CPAMD8: variants seen among roughly 807,000 people sequenced by gnomAD.
The protein encoded by CPAMD8 is C3 and PZP-like alpha-2-macroglobulin domain-containing protein 8.
A neutral mutation model predicts 224.7 loss-of-function variants in CPAMD8; 146 were observed. The ratio of observed to expected loss-of-function variants is 0.65; its 90% CI spans 0.57 to 0.75. The LOEUF (loss-of-function observed/expected upper bound fraction) is 0.75, where lower values mean the gene tolerates loss of function less well. CPAMD8 is among the 30% of genes least tolerant of loss of function. The probability of loss-of-function intolerance (pLI) is 0.00; values close to 1 mark genes in which losing one functional copy is unlikely to be tolerated. For missense variants in CPAMD8, 2,301 were observed against 2,537.5 expected (o/e 0.91, Z 2.00); for synonymous variants, 966 against 1,044.6 (o/e 0.92, Z 1.45).
At chr19:16,980,456 A>T (rs778451389) in intron 14 of CPAMD8, 41 bp downstream of exon 14, 1 of 1,587,914 alleles carries the variant, frequency 6.3e-7, no homozygotes, top group South Asian at 1.1e-5. Context: ...TCAATTGTTC[A>T]GAAGGAAGAA....
intron 29 of CPAMD8, chr19:16,910,540 AC>A (rs1226045377): frequency 1.3e-5 from 2 of 150,492 alleles, no homozygotes; most frequent in Non-Finnish European, 2.9e-5. Flanking sequence ...GGCTATTCAT[AC>A]GCACGATCTC....
chr19:17,012,351 T>TA (rs1248489136), intron 3 of CPAMD8, among the ~76,000 whole-genome samples: 11 of 121,796 alleles, frequency 9.0e-5, no homozygotes, highest in Non-Finnish European at 1.3e-4. Flanking sequence ...TCTTTCTTTC[T>TA]TTTTTTTTTT....
chr19:16,959,907 G>A (rs142439283), intron 18 of CPAMD8, among the ~76,000 whole-genome samples: 35 of 152,222 alleles, frequency 2.3e-4, no homozygotes, highest in African/African-American at 7.2e-4. Flanking sequence ...ACCTGGCAGC[G>A]TTAACATTCT....
At chr19:16,914,937 AGGGG>A in intron 27 of CPAMD8, 124 bp from the exon 28 acceptor site, 2 of 691,504 alleles carry the variant, frequency 2.9e-6, no homozygotes, top group Non-Finnish European at 4.9e-6. Context: ...ATAAGATGGG[AGGGG>A]TCCCATCTGT....
intron 20 of CPAMD8, 82 bp downstream of exon 20, chr19:16,951,887 A>G: frequency 1.1e-6 from 1 of 876,594 alleles, no homozygotes; most frequent in Non-Finnish European, 1.8e-6. Flanking sequence ...ACACTGTCCC[A>G]CCCCTGCCTA....
intron 21 of CPAMD8, 129 bp downstream of exon 21, chr19:16,946,945 C>G: frequency 1.0e-6 from 1 of 958,646 alleles, no homozygotes. Context: ...AGTTGCTGTC[C>G]CATTTTCCTT....
intron 22 of CPAMD8, among the ~76,000 whole-genome samples, chr19:16,939,281 C>T (rs2053806521): frequency 6.6e-6 from 1 of 151,902 alleles, no homozygotes; most frequent in Non-Finnish European, 1.5e-5. Context: ...GATCTCAGCT[C>T]ATTGAAACTT....
chr19:16,954,572 C>T (rs968158715), intron 19 of CPAMD8, among the ~76,000 whole-genome samples: 1 of 152,104 alleles, frequency 6.6e-6, no homozygotes, highest in African/African-American at 2.4e-5. Flanking sequence ...TTTGTATACC[C>T]CTGTTCACAG....
At chr19:16,976,274 G>T in intron 15 of CPAMD8, 123 bp from the exon 16 acceptor site, 1 of 663,270 alleles carries the variant, frequency 1.5e-6, no homozygotes, top group Non-Finnish European at 2.5e-6. Context: ...TCAAGAGTTC[G>T]AGACCAGCCT....
At position 16,993,477 on chromosome 19, in the gene CPAMD8, C is replaced by T. The variant is rs577394412; in HGVS notation, c.1205G>A (p.Arg402His). The T allele has an allele frequency of 1.0e-4, 162 of 1,614,018 alleles. No homozygotes were observed. The highest frequency in any genetic ancestry group is 7.5e-4 in the Admixed American group (45 of 60,012). ...NIYTSEVVSQ[R>H]GLVGFEIPSI... The stretch of plus-strand genomic sequence containing the variant: ...GGGGATTTCAAACCCCACTAGTCCA[C>T]GCTGGGACACAACTTCACTGGTGTA... The change falls in exon 12 of 42, where the codon CGT becomes CAT. Residue 402 changes from arginine to histidine, a missense_variant. Arg to His is a conservative substitution (Grantham distance 29). Around this residue, in one of 4 missense-constraint regions of CPAMD8, gnomAD observed 301 missense variants for 406.6 expected, o/e 0.74. Transcript: ENST00000443236.
chr19:16,938,878 G>A (rs182068036), intron 22 of CPAMD8, among the ~76,000 whole-genome samples: 48 of 152,312 alleles, frequency 3.2e-4, no homozygotes, highest in South Asian at 1.7e-3. Flanking sequence ...ACGAGTCTCC[G>A]TCCCACTGTC....
chr19:16,929,534 T>C (rs2053484134), intron 23 of CPAMD8, among the ~76,000 whole-genome samples: 1 of 152,058 alleles, frequency 6.6e-6, no homozygotes, highest in Admixed American at 6.5e-5. Flanking sequence ...GCAAGACTCT[T>C]ATCTCTACAA....
intron 19 of CPAMD8, among the ~76,000 whole-genome samples, chr19:16,955,232 T>C (rs1333380594): frequency 6.6e-6 from 1 of 151,536 alleles, no homozygotes; most frequent in Non-Finnish European, 1.5e-5. Flanking sequence ...GAGGCAGAGG[T>C]TGCAGTGAGC....
At position 16,989,664 on chromosome 19, in the gene CPAMD8, C is replaced by T. The variant is rs2055868575; in HGVS notation, c.1374G>A (p.Gln458=). Residue 458 remains glutamine, a synonymous_variant, in exon 13 of 42, where the codon CAG becomes CAA. Coordinates refer to ENST00000443236, the MANE Select transcript of CPAMD8 (RefSeq NM_015692.5). ...YSPSQCYLQL[Q]PPSHPLQVGE... The stretch of plus-strand genomic sequence containing the variant: ...TTACCTGCAGTGGGTGGGAGGGTGG[C>T]TGCAGCTGCAGGTAGCACTGGCTGG... 1 of 1,613,932 alleles carries T rather than the reference C, an allele frequency of 6.2e-7. No individual in the cohort carries two copies. The highest frequency in any genetic ancestry group is 8.5e-7 in the Non-Finnish European group (1 of 1,179,894).
At chr19:16,950,899 A>G (rs2054279297) in intron 20 of CPAMD8, among the ~76,000 whole-genome samples, 1 of 151,410 alleles carries the variant, frequency 6.6e-6, no homozygotes, top group Non-Finnish European at 1.5e-5. Flanking sequence ...CCTTGCCTTC[A>G]CACTTCTTCT....
At chr19:16,995,463 G>A (rs2056094506) in intron 11 of CPAMD8, among the ~76,000 whole-genome samples, 1 of 152,198 alleles carries the variant, frequency 6.6e-6, no homozygotes, top group Admixed American at 6.5e-5. Flanking sequence ...GTGCAGTGGT[G>A]TGATCTTGGC....
At chr19:16,946,980 G>T in intron 21 of CPAMD8, 94 bp downstream of exon 21, 3 of 1,325,256 alleles carry the variant, frequency 2.3e-6, no homozygotes, top group Non-Finnish European at 2.1e-6. Flanking sequence ...CTTACCTGCT[G>T]CCCCATCCAC....
intron 30 of CPAMD8, among the ~76,000 whole-genome samples, chr19:16,906,409 TCC>T (rs1568459944): frequency 1.3e-5 from 1 of 77,624 alleles, no homozygotes; most frequent in Admixed American, 1.3e-4. Flanking sequence ...TTTCTTTCTT[TCC>T]TTCCTTCCTT....
rs2052110395 is a variant in CPAMD8, at chr19:16,898,205, C to A, written c.4849-211G>T. On this transcript the variant is annotated intron_variant, in intron 37 of 41. Coordinates refer to ENST00000443236, the MANE Select transcript of CPAMD8 (RefSeq NM_015692.5). The surrounding 1 kb of genome is among the most constrained non-coding windows in gnomAD (Gnocchi z 4.2). ...TGTTGCCCAGGCTGGAGTGCAGTGGCGTGATCTCGGCTCACTGCAAGCTCG... is the reference window on the plus strand; with the variant it reads ...TGTTGCCCAGGCTGGAGTGCAGTGGAGTGATCTCGGCTCACTGCAAGCTCG... 1 of 511,082 alleles carries A rather than the reference C, an allele frequency of 2.0e-6. No individual in the cohort carries two copies. Among genetic ancestry groups the A allele is most frequent in the Non-Finnish European group, 3.4e-6 (1 of 292,090 alleles). 31.7% of individuals were successfully genotyped at this position (511,082 alleles called of 1,614,324 possible).
Sources: allele counts gnomAD v4.1 joint callset (sites outside exome capture counted in the v4.1 genomes callset), GRCh38; gene constraint gnomAD v4.1.1; regional missense constraint gnomAD v4.1.1; non-coding constraint Gnocchi (gnomAD v3.1); transcripts MANE v1.5; gene names NCBI Gene and HGNC (gene_info 2026-07-23, HGNC 2026-07-21).